Variants in SCHIP1 observed in about 807,000 individuals in gnomAD.
SCHIP1 encodes the protein schwannomin-interacting protein 1.
SCHIP1 carries 8 observed loss-of-function variants against 29.7 expected under a neutral mutation model. That is an observed-to-expected ratio of 0.27 (90% CI 0.16 to 0.49). SCHIP1 has a LOEUF of 0.49. Ranked by LOEUF, SCHIP1 falls within the 20% of genes least tolerant of loss-of-function variation. The pLI is 0.99. For synonymous variants in SCHIP1, 76 were observed against 94.9 expected (o/e 0.80, Z 1.16); for missense variants, 193 against 294.6 (o/e 0.66, Z 2.52).
chr3:159,614,423 A>C, the SCHIP1 span, among the ~76,000 whole-genome samples: 1 of 152,176 alleles, frequency 6.6e-6, no homozygotes, highest in African/African-American at 2.4e-5. Flanking sequence ...TTTAGAATTC[A>C]GTGTACCTTA....
At chr3:159,512,201 G>A in the SCHIP1 span, among the ~76,000 whole-genome samples, 31 of 151,868 alleles carry the variant, frequency 2.0e-4, no homozygotes, top group Admixed American at 1.9e-3. Flanking sequence ...GGAGAGAGGG[G>A]AAATGACAAG....
At chr3:159,514,940 C>A in the SCHIP1 span, among the ~76,000 whole-genome samples, 2 of 152,112 alleles carry the variant, frequency 1.3e-5, no homozygotes, top group Non-Finnish European at 1.5e-5. Context: ...TTGCTTAGGC[C>A]AAACTTCAGA....
the SCHIP1 span, among the ~76,000 whole-genome samples, chr3:159,324,152 A>G: frequency 6.6e-6 from 1 of 152,078 alleles, no homozygotes; most frequent in Admixed American, 6.6e-5. Flanking sequence ...GCATTTTTAT[A>G]TATGGTACAG....
the SCHIP1 span, among the ~76,000 whole-genome samples, chr3:159,810,313 G>A: frequency 6.6e-6 from 1 of 152,172 alleles, no homozygotes; most frequent in East Asian, 1.9e-4. Context: ...TCAAAGTGCT[G>A]GGATTATAGG....
the SCHIP1 span, among the ~76,000 whole-genome samples, chr3:159,511,641 T>A: frequency 6.6e-6 from 1 of 152,210 alleles, no homozygotes; most frequent in Non-Finnish European, 1.5e-5. Context: ...TTTAACAGCG[T>A]GGTTTCAGTA....
the SCHIP1 span, among the ~76,000 whole-genome samples, chr3:159,575,751 C>A: frequency 6.6e-6 from 1 of 152,006 alleles, no homozygotes. Flanking sequence ...TTTTTAATTA[C>A]CTTTAAAATG....
At chr3:159,534,807 T>C in the SCHIP1 span, among the ~76,000 whole-genome samples, 1 of 152,146 alleles carries the variant, frequency 6.6e-6, no homozygotes, top group African/African-American at 2.4e-5. Flanking sequence ...TTCTAAACCT[T>C]GTATTCAGTG....
intron 1 of SCHIP1, among the ~76,000 whole-genome samples, chr3:159,864,450 C>G: frequency 6.8e-6 from 1 of 147,274 alleles, no homozygotes; most frequent in Non-Finnish European, 1.5e-5. Context: ...TAAAAGTAGT[C>G]TTTCACCTTA....
chr3:159,293,891 T>C, the SCHIP1 span, among the ~76,000 whole-genome samples: 2 of 152,116 alleles, frequency 1.3e-5, no homozygotes, highest in African/African-American at 4.8e-5. Context: ...TAAAGTAACA[T>C]AGGGGACTTC....
chr3:159,486,056 G>A, the SCHIP1 span, among the ~76,000 whole-genome samples: 1 of 152,148 alleles, frequency 6.6e-6, no homozygotes, highest in African/African-American at 2.4e-5. Flanking sequence ...AAGGTATACA[G>A]TGTGATGTTT....
chr3:159,371,577 C>T, the SCHIP1 span, among the ~76,000 whole-genome samples: 1 of 152,150 alleles, frequency 6.6e-6, no homozygotes, highest in Admixed American at 6.5e-5. Context: ...TATGGAAGTG[C>T]TTTGCAAATT....
chr3:159,397,959 G>C, the SCHIP1 span, among the ~76,000 whole-genome samples: 12 of 152,172 alleles, frequency 7.9e-5, no homozygotes, highest in Non-Finnish European at 1.8e-4. Flanking sequence ...TCAGACTGCT[G>C]TGCTAGCAAT....
At chr3:159,815,391 A>G in the SCHIP1 span, among the ~76,000 whole-genome samples, 14 of 152,274 alleles carry the variant, frequency 9.2e-5, no homozygotes, top group Admixed American at 7.8e-4. Flanking sequence ...GACTGGGGAG[A>G]AACGTGGCTT....
At chr3:159,823,852 TGG>T in the SCHIP1 span, among the ~76,000 whole-genome samples, 2 of 152,212 alleles carry the variant, frequency 1.3e-5, no homozygotes, top group African/African-American at 4.8e-5. Flanking sequence ...GTTTTAACAA[TGG>T]TTCCCCATTT....
chr3:159,635,867 T>C, the SCHIP1 span, among the ~76,000 whole-genome samples: 1 of 152,210 alleles, frequency 6.6e-6, no homozygotes, highest in Non-Finnish European at 1.5e-5. Flanking sequence ...GCTCTTTTCT[T>C]GATAAAAGTT....
At chr3:159,740,761 C>CAAA in the SCHIP1 span, among the ~76,000 whole-genome samples, 10 of 14,270 alleles carry the variant, frequency 7.0e-4, no homozygotes, top group African/African-American at 1.2e-3. Flanking sequence ...ATTGTATATT[C>CAAA]AAAAAAAAAG....
chr3:159,400,495 C>T, the SCHIP1 span, among the ~76,000 whole-genome samples: 1 of 152,128 alleles, frequency 6.6e-6, no homozygotes, highest in African/African-American at 2.4e-5. Flanking sequence ...TTATTATCTC[C>T]TTTTGATGAA....
At chr3:159,757,380 C>T in the SCHIP1 span, among the ~76,000 whole-genome samples, 11 of 152,262 alleles carry the variant, frequency 7.2e-5, no homozygotes, top group African/African-American at 1.9e-4. Flanking sequence ...TTCACTATCA[C>T]CAGAATAGCA....
At chr3:159,395,651 G>T in the SCHIP1 span, among the ~76,000 whole-genome samples, 4 of 152,260 alleles carry the variant, frequency 2.6e-5, no homozygotes, top group African/African-American at 9.6e-5. Context: ...TCTTAATCCT[G>T]CATTCTAGTT....
Sources: allele counts gnomAD v4.1 joint callset (sites outside exome capture counted in the v4.1 genomes callset), GRCh38; gene constraint gnomAD v4.1.1; transcripts MANE v1.5; gene names NCBI Gene and HGNC (gene_info 2026-07-23, HGNC 2026-07-21).